XCR1: variants seen among roughly 807,000 people sequenced by gnomAD.
The protein encoded by XCR1 is X-C motif chemokine receptor 1.
For synonymous variants in XCR1, 187 were observed against 188.5 expected (o/e 0.99, Z 0.06); for missense variants, 356 against 424.2 (o/e 0.84, Z 1.41).
chr3:46,060,173 G>C (rs1445659086), intron 4 of XCR1, among the ~76,000 whole-genome samples: 1 of 152,064 alleles, frequency 6.6e-6, no homozygotes, highest in African/African-American at 2.4e-5. Flanking sequence ...ATATAACATA[G>C]CTGTATCTAT....
At chr3:46,056,347 GT>G (rs1697850401) in intron 4 of XCR1, among the ~76,000 whole-genome samples, 2 of 152,122 alleles carry the variant, frequency 1.3e-5, no homozygotes, top group Admixed American at 1.3e-4. Flanking sequence ...CCAGCCTCAA[GT>G]TTTCATTTCA....
chr3:46,024,027 G>A, intron 1 of XCR1: 5 of 1,328,324 alleles, frequency 3.8e-6, no homozygotes, highest in African/African-American at 1.4e-5. Context: ...CCTGGCAGAA[G>A]TTTGCAGCAA....
At chr3:46,067,629 G>A (rs534322338) in intron 3 of XCR1, among the ~76,000 whole-genome samples, 1 of 152,314 alleles carries the variant, frequency 6.6e-6, no homozygotes, top group Admixed American at 6.5e-5. Flanking sequence ...AAAGGTCACA[G>A]AGGCCCAAAT....
At chr3:46,080,442 A>T (rs148981167) in intron 1 of XCR1, among the ~76,000 whole-genome samples, 214 of 152,246 alleles carry the variant, frequency 1.4e-3, no homozygotes, top group African/African-American at 5.0e-3. Flanking sequence ...CACATCTGTA[A>T]TCCCAGCTAC....
chr3:46,075,431 A>G (rs1376792541), intron 2 of XCR1, among the ~76,000 whole-genome samples: 1 of 152,096 alleles, frequency 6.6e-6, no homozygotes, highest in Non-Finnish European at 1.5e-5. Flanking sequence ...GATAAACTAT[A>G]AAACTTTAAG....
intron 5 of XCR1, among the ~76,000 whole-genome samples, chr3:46,035,575 T>A (rs1697414979): frequency 6.6e-6 from 1 of 151,986 alleles, no homozygotes; most frequent in Non-Finnish European, 1.5e-5. Context: ...CCACTCAGTT[T>A]TGGTTGGAGA....
chr3:46,045,219 T>A (rs1163559378), intron 5 of XCR1, among the ~76,000 whole-genome samples: 1 of 151,874 alleles, frequency 6.6e-6, no homozygotes, highest in Non-Finnish European at 1.5e-5. Context: ...AGGAGTTCAA[T>A]ACCAGCCTGG....
chr3:46,062,422 C>T (rs908564628), intron 4 of XCR1, among the ~76,000 whole-genome samples: 1 of 152,240 alleles, frequency 6.6e-6, no homozygotes, highest in Non-Finnish European at 1.5e-5. Context: ...CAGAACTCCT[C>T]TAAGGGCAAC....
At chr3:46,039,539 T>A (rs1697498659) in intron 5 of XCR1, among the ~76,000 whole-genome samples, 1 of 152,202 alleles carries the variant, frequency 6.6e-6, no homozygotes, top group African/African-American at 2.4e-5. Flanking sequence ...GTAGTATAAA[T>A]AATCTATTAA....
At position 46,082,265 on chromosome 3, in the gene XCR1, C is replaced by G. The variant is rs138681867; in HGVS notation, c.-515+3529G>C. Among the ~76,000 whole-genome samples, 51 of 152,162 alleles carry G rather than the reference C, an allele frequency of 3.4e-4. No homozygotes were observed. The East Asian group carries it at 6.8e-3, about 20-fold the overall frequency. Reference sequence around the variant, plus strand: ...TGTTCTTCATGATTCTAATGCCTACCACACCTGAAATATTTGCTCTCCTTT... The same window carrying G: ...TGTTCTTCATGATTCTAATGCCTACGACACCTGAAATATTTGCTCTCCTTT... On this transcript the variant is annotated intron_variant, in intron 1 of 5. Coordinates refer to the XCR1 transcript ENST00000683768.
chr3:46,042,180 A>G (rs1575420362), intron 5 of XCR1, among the ~76,000 whole-genome samples: 1 of 152,230 alleles, frequency 6.6e-6, no homozygotes, highest in South Asian at 2.1e-4. Flanking sequence ...AGCAGTGCTC[A>G]GAGGGAAATT....
chr3:46,083,030 A>G (rs1698404617), intron 1 of XCR1, among the ~76,000 whole-genome samples: 1 of 152,182 alleles, frequency 6.6e-6, no homozygotes, highest in African/African-American at 2.4e-5. Context: ...CAAACCTGTT[A>G]ATCAGGTCTG....
intron 5 of XCR1, among the ~76,000 whole-genome samples, chr3:46,035,164 A>C (rs1697401939): frequency 6.6e-6 from 1 of 152,190 alleles, no homozygotes; most frequent in Admixed American, 6.5e-5. Context: ...CATGTTGGTC[A>C]GGCTGGTCTC....
chr3:46,050,277 A>G (rs1434436532), intron 5 of XCR1, among the ~76,000 whole-genome samples: 1 of 152,238 alleles, frequency 6.6e-6, no homozygotes, highest in East Asian at 1.9e-4. Context: ...AGGGTTTGGT[A>G]AAGATGTGTA....
intron 5 of XCR1, among the ~76,000 whole-genome samples, chr3:46,039,182 T>C (rs1475649379): frequency 6.6e-6 from 1 of 152,232 alleles, no homozygotes. Context: ...CTCTTTTAAA[T>C]AGCTGAAAAG....
rs1377640923 is a variant in XCR1, at chr3:46,080,118, G to A, written c.-514-3192C>T. Among the ~76,000 whole-genome samples, 12 of 150,300 alleles carry A rather than the reference G, an allele frequency of 8.0e-5. No individual in the cohort carries two copies. In the Admixed American group the frequency reaches 8.0e-4, roughly 10 times the overall value. ...TTCTGGAATGGAATGCCTGATGCTA[G>A]CCTCCAAGATCACCTATAATCGTGC... On this transcript the variant is annotated intron_variant, in intron 1 of 5. Transcript: ENST00000683768.
At chr3:46,058,661 C>A (rs1249291818) in intron 4 of XCR1, among the ~76,000 whole-genome samples, 1 of 152,182 alleles carries the variant, frequency 6.6e-6, no homozygotes, top group Non-Finnish European at 1.5e-5. Context: ...GATCCTCCCA[C>A]CTCAGCCTCC....
intron 1 of XCR1, 159 bp from the exon 2 acceptor site, chr3:46,022,137 C>T: frequency 1.6e-6 from 1 of 615,652 alleles, no homozygotes; most frequent in Non-Finnish European, 2.7e-6. Context: ...CCTGTCTCTA[C>T]AAAAAATTTA....
At chr3:46,048,812 G>T (rs1282692552) in intron 5 of XCR1, among the ~76,000 whole-genome samples, 2 of 152,098 alleles carry the variant, frequency 1.3e-5, no homozygotes, top group Non-Finnish European at 2.9e-5. Context: ...AGTAAATAAG[G>T]CTAAATATAG....
Sources: allele counts gnomAD v4.1 joint callset (sites outside exome capture counted in the v4.1 genomes callset), GRCh38; gene constraint gnomAD v4.1.1; transcripts MANE v1.5; gene names NCBI Gene and HGNC (gene_info 2026-07-23, HGNC 2026-07-21).